Variants in IRGC observed in about 807,000 individuals in gnomAD.
IRGC encodes interferon-inducible GTPase 5.
IRGC carries 4 observed loss-of-function variants against 16.1 expected under a neutral mutation model. The observed-to-expected ratio is 0.25, with a 90% CI of 0.12 to 0.57. The LOEUF (loss-of-function observed/expected upper bound fraction) is 0.57, where lower values mean the gene tolerates loss of function less well. Ranked by LOEUF, IRGC falls within the 20% of genes least tolerant of loss-of-function variation. The probability of loss-of-function intolerance (pLI) is 0.92; values close to 1 mark genes in which losing one functional copy is unlikely to be tolerated. For missense variants in IRGC, 570 were observed against 643.9 expected (o/e 0.89, Z 1.24); for synonymous variants, 307 against 299.5 (o/e 1.03, Z -0.26).
rs1307023314 is a variant in IRGC at position 43,719,369 on chromosome 19, G to A, written c.811G>A (p.Ala271Thr). ...GCTTCAAGAGCAAGTCCTCAAGACC[G>A]CCCTGGTGTTGGGCGTCATCCAGGC... ...AMLQEQVLKT[A>T]LVLGVIQALP... The change falls in exon 2 of 2, where the codon GCC becomes ACC. Residue 271 changes from alanine to threonine, a missense_variant. By Grantham distance (58) the Ala-to-Thr change is moderately conservative. Coordinates refer to ENST00000244314, the MANE Select transcript of IRGC (RefSeq NM_019612.4). The A allele has an allele frequency of 6.2e-7, 1 of 1,611,904 alleles. No homozygotes were observed. Among genetic ancestry groups the A allele is most frequent in the African/African-American group, 1.3e-5 (1 of 75,024 alleles).
intron 1 of IRGC, among the ~76,000 whole-genome samples, chr19:43,717,303 G>A (rs1968185950): frequency 6.6e-6 from 1 of 152,166 alleles, no homozygotes; most frequent in Admixed American, 6.5e-5. Context: ...CAGACAGGGC[G>A]AGGACTTGCT....
In IRGC at chr19:43,719,843, G is replaced by C; in HGVS notation, c.1285G>C (p.Gly429Arg). ...SDNGVEKGGSGEGGGEEAPLS... is the reference protein window; with the variant it reads ...SDNGVEKGGSREGGGEEAPLS... ...CAATGGCGTGGAAAAGGGGGGCTCC[G>C]GGGAGGGAGGTGGGGAGGAAGCCCC... is the stretch of plus-strand genomic sequence containing the variant. The change falls in exon 2 of 2, where the codon GGG becomes CGG. Residue 429 changes from glycine to arginine, a missense_variant. Coordinates refer to ENST00000244314, the MANE Select transcript of IRGC (RefSeq NM_019612.4). The C allele has an allele frequency of 6.2e-7, 1 of 1,614,036 alleles. No homozygotes were observed. Among genetic ancestry groups the C allele is most frequent in the African/African-American group, 1.3e-5 (1 of 75,044 alleles).
rs771051245 is a variant in IRGC at position 43,718,836 on chromosome 19, C to T, written c.278C>T (p.Thr93Met). 2.5e-6 allele frequency: 4 copies of T among 1,613,086 alleles called. No individual in the cohort carries two copies. Among genetic ancestry groups the T allele is most frequent in the South Asian group, 1.1e-5 (1 of 91,086 alleles). ...GCTCTCACGGGCGTCATGGAGACCA[C>T]GATGCAACCGTCGCCCTATCCACAC... ...GAALTGVMET[T>M]MQPSPYPHPQ... is the part of the protein sequence containing the mutation. Residue 93 changes from threonine to methionine, a missense_variant, in exon 2 of 2, where the codon ACG becomes ATG. Coordinates refer to ENST00000244314, the MANE Select transcript of IRGC (RefSeq NM_019612.4).
intron 1 of IRGC, among the ~76,000 whole-genome samples, chr19:43,718,156 AG>A (rs1968198642): frequency 6.6e-6 from 1 of 152,210 alleles, no homozygotes; most frequent in African/African-American, 2.4e-5. Context: ...AGAACCCTCC[AG>A]GGCACACATA....
intron 1 of IRGC, among the ~76,000 whole-genome samples, 151 bp downstream of exon 1, chr19:43,716,293 C>T (rs770294869): frequency 3.3e-5 from 5 of 152,138 alleles, no homozygotes; most frequent in East Asian, 1.9e-4. Context: ...CTCTTCCCAC[C>T]GCAGACCATA....
Position 43,719,713 on chromosome 19 carries a change from C to T in IRGC, c.1155C>T (p.Leu385=), listed in dbSNP as rs1316981021. Residue 385 remains leucine, a synonymous_variant, in exon 2 of 2, where the codon CTC becomes CTT. Coordinates refer to ENST00000244314, the MANE Select transcript of IRGC (RefSeq NM_019612.4). ...GCTTTGGCGCTGTCTACACCATGCT[C>T]CAGGGCTGCCTCAACGAGATGGCTG... ...GISFGAVYTM[L]QGCLNEMAED... is the part of the protein sequence containing the mutation. 6.2e-7 allele frequency: 1 copy of T among 1,612,812 alleles called. No homozygotes were observed. The highest frequency in any genetic ancestry group is 2.2e-5 in the East Asian group (1 of 44,858).
intron 1 of IRGC, among the ~76,000 whole-genome samples, chr19:43,717,649 G>T (rs1968191248): frequency 6.6e-6 from 1 of 152,220 alleles, no homozygotes; most frequent in Non-Finnish European, 1.5e-5. Flanking sequence ...CAGGAGTGCA[G>T]CTGTTTCCTC....
In IRGC at chr19:43,718,664, C is replaced by T. The variant is rs1330137058; in HGVS notation, c.106C>T (p.Leu36Phe). 6.2e-7 allele frequency: 1 copy of T among 1,613,480 alleles called. No homozygotes were observed. The highest frequency in any genetic ancestry group is 1.3e-5 in the African/African-American group (1 of 74,948). ...GCGCACAGCCTTTGAGTCGGGTGAC[C>T]TCCCCCAGGCCGCCTCTCACCTCCA... ...ALRTAFESGD[L>F]PQAASHLQEL... Residue 36 changes from leucine (L) to phenylalanine (F), a missense_variant, in exon 2 of 2, where the codon CTC (leucine) becomes TTC (phenylalanine). Physicochemically the swap from Leu to Phe is conservative, Grantham distance 22 (BLOSUM62 0). Transcript: ENST00000244314.
rs766298710 is a variant in IRGC at position 43,719,985 on chromosome 19, A to T, written c.*35A>T. ...CCCCGCCCCCCTGCCTCACCCACAA[A>T]CTAAGTCTTAACAAAATCCAAATTA... is the stretch of plus-strand genomic sequence containing the variant. On this transcript the variant is annotated 3_prime_UTR_variant, in exon 2 of 2. Coordinates refer to ENST00000244314, the MANE Select transcript of IRGC (RefSeq NM_019612.4). 6 of 1,606,242 alleles carry T rather than the reference A, an allele frequency of 3.7e-6. No individual in the cohort carries two copies. Among genetic ancestry groups the T allele is most frequent in the Non-Finnish European group, 5.1e-6 (6 of 1,176,760 alleles).
chr19:43,719,581 G>A lies in IRGC; in HGVS notation c.1023G>A (p.Glu341=). ...CACTGGCCAACGAGGTCTCGCCTGA[G>A]ACTGTCCTGCGGCTCTATTCCCAGT... ...RSPLANEVSP[E]TVLRLYSQSS... is the part of the protein sequence containing the mutation. Residue 341 remains glutamate, a synonymous_variant, in exon 2 of 2, where the codon GAG becomes GAA. Coordinates refer to ENST00000244314, the MANE Select transcript of IRGC (RefSeq NM_019612.4). 6.2e-7 allele frequency: 1 copy of A among 1,602,514 alleles called. No homozygotes were observed. Among genetic ancestry groups the A allele is most frequent in the Non-Finnish European group, 8.5e-7 (1 of 1,179,830 alleles).
At position 43,718,530 on chromosome 19, in the gene IRGC, C is replaced by G; in HGVS notation, c.-29C>G. 2 of 1,535,778 alleles carry G rather than the reference C, an allele frequency of 1.3e-6. No individual in the cohort carries two copies. Among genetic ancestry groups the G allele is most frequent in the Non-Finnish European group, 1.8e-6 (2 of 1,141,070 alleles). ...ACGCATCCTGTGACTCTCCCCTGTC[C>G]CCCGCCACCCTCTGAACCACTGGCC... On this transcript the variant is annotated 5_prime_UTR_variant, in exon 2 of 2. Coordinates refer to ENST00000244314, the MANE Select transcript of IRGC (RefSeq NM_019612.4).
Position 43,719,310 on chromosome 19 carries a change from T to C in IRGC, c.752T>C (p.Ile251Thr), listed in dbSNP as rs906394054. The change falls in exon 2 of 2, where the codon ATC (isoleucine) becomes ACC (threonine). Residue 251 changes from isoleucine to threonine, a missense_variant. Transcript: ENST00000244314. ...GCTGGCCTGCTGTCGCTCCCCGACA[T>C]CTCGCTGGAGGCCTTGCAGAAGAAG... ...RHAGLLSLPD[I>T]SLEALQKKKA... The C allele has an allele frequency of 3.1e-6, 5 of 1,610,146 alleles. No homozygotes were observed. Among genetic ancestry groups the C allele is most frequent in the Non-Finnish European group, 4.2e-6 (5 of 1,177,766 alleles).
chr19:43,719,506 C>G lies in IRGC; in HGVS notation c.948C>G (p.Ala316=). ...ACGACGACTCGCTGGCCAAGCTGGC[C>G]GAGCAGGTGGGCAAACAGGCAGGTG... The part of the protein sequence containing the change: ...GLDDDSLAKL[A]EQVGKQAGDL... The change falls in exon 2 of 2, where the codon GCC becomes GCG. Residue 316 remains alanine (A), a synonymous_variant. Coordinates refer to ENST00000244314, the MANE Select transcript of IRGC (RefSeq NM_019612.4). The G allele has an allele frequency of 6.2e-7, 1 of 1,603,884 alleles. No individual in the cohort carries two copies. The highest frequency in any genetic ancestry group is 2.2e-5 in the East Asian group (1 of 44,840).
Position 43,718,485 on chromosome 19 carries a change from C to T in IRGC, c.-66-8C>T, listed in dbSNP as rs1207233484. On this transcript the variant is annotated splice_region_variant and splice_polypyrimidine_tract_variant and intron_variant, in intron 1 of 1. Transcript: ENST00000244314. ...AGGAGGTGTGAATGGCTCCCTTCTC[C>T]TCTGCAGGCGCTGAGGATCACGCAT... The T allele has an allele frequency of 4.6e-6, 7 of 1,505,918 alleles. No individual in the cohort carries two copies. Among genetic ancestry groups the T allele is most frequent in the Non-Finnish European group, 6.2e-6 (7 of 1,131,388 alleles). The allele number at this position is 1,505,918 out of a possible 1,614,324, so 93.3% of individuals were successfully genotyped here.
In IRGC at chr19:43,718,501, G is replaced by A. The variant is rs750228253; in HGVS notation, c.-58G>A. ...TCCCTTCTCCTCTGCAGGCGCTGAGGATCACGCATCCTGTGACTCTCCCCT... is the reference window on the plus strand; with the variant it reads ...TCCCTTCTCCTCTGCAGGCGCTGAGAATCACGCATCCTGTGACTCTCCCCT... On this transcript the variant is annotated 5_prime_UTR_variant, in exon 2 of 2. Coordinates refer to ENST00000244314, the MANE Select transcript of IRGC (RefSeq NM_019612.4). 8.6e-6 allele frequency: 13 copies of A among 1,514,900 alleles called. No individual in the cohort carries two copies. The Admixed American group carries it at 2.8e-4, about 33-fold the overall frequency. 93.8% of individuals were successfully genotyped at this position (1,514,900 alleles called of 1,614,324 possible). A position where few individuals can be genotyped will look rare whatever the true frequency, so the allele number is the denominator to read the frequency against.
In IRGC at chr19:43,719,935, C is replaced by T. The variant is rs745360247; in HGVS notation, c.1377C>T (p.Asp459=). ...TTCTGGACAGCTGGAAGAAACACGA[C>T]TCAGAAGAGAAATAAAGAGTGCAGC... ...KYILDSWKKH[D]SEEK Residue 459 remains aspartate (D), a synonymous_variant, in exon 2 of 2, where the codon GAC becomes GAT. Coordinates refer to ENST00000244314, the MANE Select transcript of IRGC (RefSeq NM_019612.4). 4.3e-6 allele frequency: 7 copies of T among 1,613,366 alleles called. No individual in the cohort carries two copies. Among genetic ancestry groups the T allele is most frequent in the Non-Finnish European group, 5.9e-6 (7 of 1,180,028 alleles).
At chr19:43,716,430 T>A (rs1450306171) in intron 1 of IRGC, among the ~76,000 whole-genome samples, 1 of 151,660 alleles carries the variant, frequency 6.6e-6, no homozygotes, top group Non-Finnish European at 1.5e-5. Context: ...AGTGGTGCAA[T>A]CTTGGCTCAC....
chr19:43,718,826 A>G lies in IRGC; in HGVS notation c.268A>G (p.Met90Val), dbSNP rs1326516407. Reference sequence around the variant, plus strand: ...CCCTGGCGCGGCTCTCACGGGCGTCATGGAGACCACGATGCAACCGTCGCC... The same window carrying G: ...CCCTGGCGCGGCTCTCACGGGCGTCGTGGAGACCACGATGCAACCGTCGCC... The part of the protein sequence containing the change: ...EDPGAALTGV[M>V]ETTMQPSPYP... The change falls in exon 2 of 2, where the codon ATG (methionine) becomes GTG (valine). Residue 90 changes from methionine (M) to valine (V), a missense_variant. By Grantham distance (21) the Met-to-Val change is conservative. Coordinates refer to ENST00000244314, the MANE Select transcript of IRGC (RefSeq NM_019612.4). The G allele has an allele frequency of 6.2e-7, 1 of 1,613,096 alleles. No homozygotes were observed. The highest frequency in any genetic ancestry group is 8.5e-7 in the Non-Finnish European group (1 of 1,179,976).
Position 43,719,455 on chromosome 19 carries a change from T to A in IRGC, c.897T>A (p.Arg299=), listed in dbSNP as rs1167394317. Reference sequence around the variant, plus strand: ...ATGCGTTGCTCATCCACTCACTGCGTGGCTACCACCGCAGCTTTGGTCTGG... The same window carrying A: ...ATGCGTTGCTCATCCACTCACTGCGAGGCTACCACCGCAGCTTTGGTCTGG... The part of the protein sequence containing the change: ...YDDALLIHSL[R]GYHRSFGLDD... The change falls in exon 2 of 2, where the codon CGT becomes CGA. Residue 299 remains arginine, a synonymous_variant. Transcript: ENST00000244314. 1 of 1,602,408 alleles carries A rather than the reference T, an allele frequency of 6.2e-7. No individual in the cohort carries two copies. The highest frequency in any genetic ancestry group is 1.7e-5 in the Admixed American group (1 of 59,734).
Sources: gnomAD v4.1 joint callset for allele counts (sites outside exome capture counted in the v4.1 genomes callset) on GRCh38, gnomAD v4.1.1 for gene constraint, MANE v1.5 for transcripts, NCBI Gene and HGNC (gene_info 2026-07-23, HGNC 2026-07-21) for gene names.